The following SHISA9 variants were observed in gnomAD, a reference collection of about 807,000 sequenced individuals.
The protein encoded by SHISA9 is protein shisa-9.
Under a neutral mutation model 38.0 loss-of-function variants are expected in SHISA9, and 13 were observed. The observed-to-expected ratio is 0.34, with a 90% CI of 0.22 to 0.54. The LOEUF is 0.54. SHISA9 is among the 20% of genes least tolerant of loss of function. The probability of loss-of-function intolerance (pLI) is 0.91; values close to 1 mark genes in which losing one functional copy is unlikely to be tolerated. For synonymous variants in SHISA9, 275 were observed against 242.0 expected (o/e 1.14, Z -1.27); for missense variants, 538 against 575.8 (o/e 0.93, Z 0.67).
rs751135088 is a variant in SHISA9, at chr16:13,203,423, A to G, written c.721A>G (p.Thr241Ala). 1.0e-3 allele frequency: 1,556 copies of G among 1,546,898 alleles called. 1 individual carries two copies. The highest frequency in any genetic ancestry group is 1.3e-3 in the Non-Finnish European group (1,472 of 1,144,990). Residue 241 changes from threonine to alanine, a missense_variant, in exon 3 of 5, where the codon ACC becomes GCC. Transcript: ENST00000558583. ...CACCCAGATGAACAACGCAGTGCCCACCTCTCCTCTGCTCCAGCAGATGGG... is the reference window on the plus strand; with the variant it reads ...CACCCAGATGAACAACGCAGTGCCCGCCTCTCCTCTGCTCCAGCAGATGGG... ...HATQMNNAVP[T>A]SPLLQQMGHP...
At chr16:13,550,366 C>T in the SHISA9 span, among the ~76,000 whole-genome samples, 2 of 152,200 alleles carry the variant, frequency 1.3e-5, no homozygotes, top group Non-Finnish European at 2.9e-5. Flanking sequence ...GCCTCGCCAC[C>T]TCAAACCTTC....
the SHISA9 span, among the ~76,000 whole-genome samples, chr16:13,262,306 C>G: frequency 6.6e-6 from 1 of 152,204 alleles, no homozygotes. Context: ...GCTAGGCTGT[C>G]TTAGCTTTCA....
intron 1 of SHISA9, among the ~76,000 whole-genome samples, chr16:12,915,114 T>C (rs1299904873): frequency 6.6e-6 from 1 of 152,140 alleles, no homozygotes; most frequent in Non-Finnish European, 1.5e-5. Context: ...GCAATTCTAC[T>C]TGTGGGTTTG....
chr16:13,300,041 C>G, the SHISA9 span, among the ~76,000 whole-genome samples: 1 of 152,120 alleles, frequency 6.6e-6, no homozygotes, highest in Non-Finnish European at 1.5e-5. Context: ...TTCAACTCCC[C>G]CTATTTCAAA....
chr16:13,121,312 T>A (rs2141977820), intron 2 of SHISA9, among the ~76,000 whole-genome samples: 1 of 152,156 alleles, frequency 6.6e-6, no homozygotes, highest in South Asian at 2.1e-4. Flanking sequence ...AACATAGTGA[T>A]CTCCCCTCTC....
At chr16:13,220,349 A>G (rs546886900) in intron 4 of SHISA9, among the ~76,000 whole-genome samples, 120 of 152,172 alleles carry the variant, frequency 7.9e-4, no homozygotes, top group Non-Finnish European at 1.6e-3. Flanking sequence ...GAGAGGTGCA[A>G]GAGAGAAATT....
In SHISA9 at chr16:13,239,467, T is replaced by G. The variant is rs1226793043; in HGVS notation, c.*4058T>G. ...CAGTCCCACCAGCAGTGTAAAAGTG[T>G]TCCTATTTCTCCACATCCTCTCCAG... On this transcript the variant is annotated 3_prime_UTR_variant, in exon 5 of 5. Coordinates refer to ENST00000558583, the MANE Select transcript of SHISA9 (RefSeq NM_001145204.3). 1 of 151,562 alleles carries G rather than the reference T, an allele frequency of 6.6e-6. No individual in the cohort carries two copies. The highest frequency in any genetic ancestry group is 1.5e-5 in the Non-Finnish European group (1 of 67,750). The allele number at this position is 151,562 out of a possible 1,614,324, so 9.4% of individuals were successfully genotyped here.
chr16:12,911,205 A>G (rs1187376377), intron 1 of SHISA9: 9 of 972,716 alleles, frequency 9.3e-6, no homozygotes, highest in African/African-American at 1.8e-5. Flanking sequence ...CCTCCTGCTT[A>G]TTGATTCAGA....
chr16:13,148,073 T>C (rs766396943), intron 2 of SHISA9, among the ~76,000 whole-genome samples: 1 of 152,156 alleles, frequency 6.6e-6, no homozygotes, highest in African/African-American at 2.4e-5. Flanking sequence ...CTCAGGACTC[T>C]GCAACTGTCT....
intron 2 of SHISA9, among the ~76,000 whole-genome samples, chr16:13,156,418 G>A (rs2050547491): frequency 6.6e-6 from 1 of 152,112 alleles, no homozygotes; most frequent in African/African-American, 2.4e-5. Context: ...CTCATTGATA[G>A]GTGCAATTGT....
intron 2 of SHISA9, among the ~76,000 whole-genome samples, chr16:13,191,483 A>G (rs903224921): frequency 1.3e-5 from 2 of 152,194 alleles, no homozygotes; most frequent in Non-Finnish European, 2.9e-5. Context: ...GGTGCTTACT[A>G]TGTTTCAGTG....
the SHISA9 span, among the ~76,000 whole-genome samples, chr16:13,301,722 G>T: frequency 0.029 from 4,385 of 152,260 alleles, 99 homozygotes; most frequent in Non-Finnish European, 0.046. Flanking sequence ...ATGATTCTGT[G>T]AATGCAATGA....
chr16:13,423,175 G>T, the SHISA9 span, among the ~76,000 whole-genome samples: 1 of 152,156 alleles, frequency 6.6e-6, no homozygotes, highest in African/African-American at 2.4e-5. Context: ...GCATCCAGGA[G>T]CCCCAGAGGT....
chr16:13,015,987 T>TTCCCTTTCCTTC lies in SHISA9; in HGVS notation c.691+99174_691+99175insCCTTTCCTTCTC, dbSNP rs1555454870. Among the ~76,000 whole-genome samples the TTCCCTTTCCTTC allele has an allele frequency of 8.1e-4, 8 of 9,908 alleles. 2 individuals carry two copies. Among genetic ancestry groups the TTCCCTTTCCTTC allele is most frequent in the South Asian group, 0.016 (2 of 124 alleles). 6.5% of individuals were successfully genotyped at this position (9,908 alleles called of 152,430 possible). ...TTCCCTTCCCTTCCCTTCCCTTCCC[T>TTCCCTTTCCTTC]TCTTTTCTTTTCTTCCTTGAGACAG... On this transcript the variant is annotated intron_variant, in intron 2 of 4. Coordinates refer to ENST00000558583, the MANE Select transcript of SHISA9 (RefSeq NM_001145204.3).
chr16:13,181,265 TTTTATATATATATATATA>T (rs1376839632), intron 2 of SHISA9, among the ~76,000 whole-genome samples: 6 of 91,616 alleles, frequency 6.5e-5, no homozygotes, highest in African/African-American at 2.5e-4. Flanking sequence ...TAAAATAAAA[TTTTATATATATATATATA>T]TATATATATA....
intron 2 of SHISA9, among the ~76,000 whole-genome samples, chr16:13,116,571 C>T (rs560100400): frequency 6.6e-6 from 1 of 152,284 alleles, no homozygotes; most frequent in South Asian, 2.1e-4. Flanking sequence ...GTTCTGTGAG[C>T]CTGTGCCTAG....
the SHISA9 span, among the ~76,000 whole-genome samples, chr16:13,464,492 A>G: frequency 3.3e-5 from 5 of 152,164 alleles, no homozygotes; most frequent in African/African-American, 7.2e-5. Context: ...TTGAATGTGT[A>G]TTTTGATTTT....
chr16:13,162,994 T>C (rs917045139), intron 2 of SHISA9, among the ~76,000 whole-genome samples: 2 of 152,048 alleles, frequency 1.3e-5, no homozygotes, highest in African/African-American at 4.8e-5. Flanking sequence ...GAGAAAAAAA[T>C]AATGAATGAA....
the SHISA9 span, among the ~76,000 whole-genome samples, chr16:13,252,930 T>G: frequency 1.3e-5 from 2 of 152,262 alleles, no homozygotes; most frequent in South Asian, 2.1e-4. Flanking sequence ...CATTTTCTTC[T>G]GCCTGTACCA....
Sources: gnomAD v4.1 joint callset for allele counts (sites outside exome capture counted in the v4.1 genomes callset) on GRCh38, gnomAD v4.1.1 for gene constraint, MANE v1.5 for transcripts, NCBI Gene and HGNC (gene_info 2026-07-23, HGNC 2026-07-21) for gene names.